The following CIMIP2A variants were observed in gnomAD, a reference collection of about 807,000 sequenced individuals.
CIMIP2A encodes the protein family with sequence similarity 166 member A.
the CIMIP2A span, among the ~76,000 whole-genome samples, chr9:137,251,572 C>G: frequency 2.6e-4 from 36 of 137,756 alleles, no homozygotes; most frequent in Admixed American, 2.5e-3. Flanking sequence ...GTAGAGGGGA[C>G]AGGCGGCTGG....
chr9:137,245,073 C>A, the CIMIP2A span: 1 of 1,610,996 alleles, frequency 6.2e-7, no homozygotes, highest in Non-Finnish European at 8.5e-7. Flanking sequence ...CCAGCCCAGC[C>A]CAGGCCCACA....
At chr9:137,247,841 C>A in the CIMIP2A span, 2 of 918,048 alleles carry the variant, frequency 2.2e-6, no homozygotes, top group Non-Finnish European at 3.4e-6. Context: ...CTGGGCCAGG[C>A]CACCTCGCTA....
chr9:137,254,406 C>T, the CIMIP2A span, among the ~76,000 whole-genome samples: 1 of 152,032 alleles, frequency 6.6e-6, no homozygotes, highest in Non-Finnish European at 1.5e-5. Context: ...GGAACAGGAG[C>T]TCTGCTCACG....
chr9:137,244,700 A>G, the CIMIP2A span: 13 of 1,613,506 alleles, frequency 8.1e-6, no homozygotes, highest in South Asian at 6.6e-5. Flanking sequence ...ATTCAACCCC[A>G]TTACCCAGGT....
chr9:137,253,456 T>C, the CIMIP2A span: 1 of 1,435,720 alleles, frequency 7.0e-7, no homozygotes, highest in Admixed American at 2.9e-5. Flanking sequence ...ATCTCCCCGC[T>C]ACACTGAGAT....
At chr9:137,243,673 T>C in the CIMIP2A span, 73 of 1,614,052 alleles carry the variant, frequency 4.5e-5, no homozygotes, top group Admixed American at 6.7e-5. Context: ...ACATCCATGC[T>C]GTACAGACAC....
the CIMIP2A span, chr9:137,245,980 C>T: frequency 1.8e-5 from 12 of 662,344 alleles, no homozygotes; most frequent in South Asian, 1.3e-4. Flanking sequence ...TGTGGCAGCT[C>T]GCCTGCCCTC....
the CIMIP2A span, among the ~76,000 whole-genome samples, chr9:137,247,250 A>C: frequency 6.6e-6 from 1 of 152,256 alleles, no homozygotes; most frequent in Non-Finnish European, 1.5e-5. Context: ...GCACCATTGC[A>C]TTCCAGCCTG....
At chr9:137,245,178 CGGG>C in the CIMIP2A span, 1 of 1,563,048 alleles carries the variant, frequency 6.4e-7, no homozygotes, top group Non-Finnish European at 8.6e-7. Flanking sequence ...CTGCTGGCGG[CGGG>C]CGGGGGGTGG....
At chr9:137,244,653 C>T in the CIMIP2A span, 52 of 1,613,640 alleles carry the variant, frequency 3.2e-5, no homozygotes, top group African/African-American at 1.2e-4. Flanking sequence ...TGGCTCTTGT[C>T]GAATTCGTCC....
At chr9:137,252,192 G>A in the CIMIP2A span, 1 of 1,567,134 alleles carries the variant, frequency 6.4e-7, no homozygotes, top group Non-Finnish European at 8.7e-7. Context: ...CCTGGGAATG[G>A]GGGCCTTTGC....
chr9:137,251,407 G>A, the CIMIP2A span: 44 of 1,596,670 alleles, frequency 2.8e-5, no homozygotes, highest in Non-Finnish European at 3.6e-5. Flanking sequence ...GTAACTGGCG[G>A]AGAGGGGGAG....
At chr9:137,250,056 T>C in the CIMIP2A span, among the ~76,000 whole-genome samples, 5 of 151,916 alleles carry the variant, frequency 3.3e-5, no homozygotes, top group East Asian at 7.7e-4. Context: ...AGGTAAATGG[T>C]GAAGGAAATG....
the CIMIP2A span, chr9:137,243,888 C>A: frequency 7.7e-7 from 1 of 1,306,658 alleles, no homozygotes; most frequent in Non-Finnish European, 1.1e-6. Context: ...GCCCTGGGCC[C>A]TGGGTATCTG....
chr9:137,250,602 C>T, the CIMIP2A span: 1 of 154,074 alleles, frequency 6.5e-6, no homozygotes, highest in African/African-American at 2.4e-5. Flanking sequence ...CAGTGAGGGC[C>T]CTGGTGCCCA....
the CIMIP2A span, chr9:137,250,487 G>C: frequency 2.0e-5 from 3 of 152,416 alleles, no homozygotes; most frequent in Admixed American, 2.0e-4. Context: ...ATCCAGAGAG[G>C]GCGGAGGAGG....
chr9:137,253,092 C>T, the CIMIP2A span: 2 of 1,546,624 alleles, frequency 1.3e-6, no homozygotes, highest in East Asian at 2.3e-5. Flanking sequence ...CTGGGTGGGG[C>T]TCCCAGCCTT....
At chr9:137,254,625 G>A in the CIMIP2A span, among the ~76,000 whole-genome samples, 1 of 152,266 alleles carries the variant, frequency 6.6e-6, no homozygotes, top group African/African-American at 2.4e-5. Flanking sequence ...CGAAAAGAGA[G>A]AGGGTGTGTG....
chr9:137,245,364 G>A, the CIMIP2A span: 24 of 1,611,032 alleles, frequency 1.5e-5, no homozygotes, highest in African/African-American at 1.3e-4. Flanking sequence ...CCTCTTCCCC[G>A]TATACTGGGT....
Sources: gnomAD v4.1 joint callset for allele counts (sites outside exome capture counted in the v4.1 genomes callset) on GRCh38, gnomAD v4.1.1 for gene constraint, MANE v1.5 for transcripts, NCBI Gene and HGNC (gene_info 2026-07-23, HGNC 2026-07-21) for gene names.